Variants in DHX38 observed in about 807,000 individuals in gnomAD.
The protein encoded by DHX38 is pre-mRNA-splicing factor ATP-dependent RNA helicase PRP16.
A neutral mutation model predicts 153.1 loss-of-function variants in DHX38; 100 were observed. That is an observed-to-expected ratio of 0.65 (90% CI 0.56 to 0.77). The LOEUF (loss-of-function observed/expected upper bound fraction) is 0.77, where lower values mean the gene tolerates loss of function less well. DHX38 is among the 30% of genes least tolerant of loss of function. The pLI is 0.00. For synonymous variants in DHX38, 650 were observed against 631.7 expected (o/e 1.03, Z -0.43); for missense variants, 1,440 against 1,654.0 (o/e 0.87, Z 2.24).
chr16:72,107,825 C>G lies in DHX38; in HGVS notation c.2964+26C>G. The G allele has an allele frequency of 6.2e-7, 1 of 1,608,378 alleles. No individual in the cohort carries two copies. Among genetic ancestry groups the G allele is most frequent in the Non-Finnish European group, 8.5e-7 (1 of 1,177,780 alleles). On this transcript the variant is annotated intron_variant, in intron 21 of 26. Coordinates refer to ENST00000268482, the MANE Select transcript of DHX38 (RefSeq NM_014003.4). This position sits in a 1 kb window ranked among gnomAD's most constrained non-coding sequence, Gnocchi z 5.3. ...GTGGGGCAGCGGCTGGCTCCCCTCTCCCCGGAGGGCTCGAGGAAGTGTTGG... is the reference window on the plus strand; with the variant it reads ...GTGGGGCAGCGGCTGGCTCCCCTCTGCCCGGAGGGCTCGAGGAAGTGTTGG...
intron 3 of DHX38, 183 bp downstream of exon 3, chr16:72,097,192 T>C: frequency 1.7e-6 from 1 of 586,170 alleles, no homozygotes; most frequent in Non-Finnish European, 2.9e-6. Context: ...AGCTGTTGCC[T>C]GTAACATAGC....
rs142444234 is a variant in DHX38 at position 72,096,948 on chromosome 16, A to T, written c.450A>T (p.Glu150Asp). ...ATGGTGTCTATGCCTCGTCCAAAGA[A>T]GAAAAGGATTGGAAGAAGGAGAAAT... ...REHGVYASSK[E>D]EKDWKKEKSR... is the part of the protein sequence containing the mutation. The change falls in exon 3 of 27, where the codon GAA (glutamate) becomes GAT (aspartate). Residue 150 changes from glutamate (E) to aspartate (D), a missense_variant. Around this residue, in one of 6 missense-constraint regions of DHX38, gnomAD observed 483 missense variants for 465.1 expected, o/e 1.04. Coordinates refer to ENST00000268482, the MANE Select transcript of DHX38 (RefSeq NM_014003.4). 61 of 1,614,122 alleles carry T rather than the reference A, an allele frequency of 3.8e-5. No individual in the cohort carries two copies. In the African/African-American group the frequency reaches 7.9e-4, roughly 21 times the overall value.
rs751058597 is a variant in DHX38 at position 72,105,236 on chromosome 16, C to T, written c.2267C>T (p.Thr756Ile). 20 of 1,614,154 alleles carry T rather than the reference C, an allele frequency of 1.2e-5. 1 individual carries two copies. In the South Asian group the frequency reaches 2.0e-4, roughly 16 times the overall value. ...AGCTCCTCCCTGGGCTCTCAGGTGACCTCAGACCAGATTGTGGAGCATCTG... is the reference window on the plus strand; with the variant it reads ...AGCTCCTCCCTGGGCTCTCAGGTGATCTCAGACCAGATTGTGGAGCATCTG... ...FMPGQEDIEV[T>I]SDQIVEHLEE... Residue 756 changes from threonine (T) to isoleucine (I), a missense_variant, in exon 17 of 27, where the codon ACC becomes ATC. Thr to Ile is a moderately conservative substitution (Grantham distance 89, BLOSUM62 -1). Coordinates refer to ENST00000268482, the MANE Select transcript of DHX38 (RefSeq NM_014003.4).
At position 72,108,562 on chromosome 16, in the gene DHX38, G is replaced by A. The variant is rs1203884215; in HGVS notation, c.3210G>A (p.Arg1070=). The A allele has an allele frequency of 6.2e-7, 1 of 1,614,158 alleles. No individual in the cohort carries two copies. The highest frequency in any genetic ancestry group is 1.7e-5 in the Admixed American group (1 of 60,022). ...ASCGTDWDIV[R]KCICAAYFHQ... is the part of the protein sequence containing the mutation. ...GTGGCACTGACTGGGACATCGTCAG[G>A]AAGTGCATCTGTGCTGCCTATTTCC... Residue 1070 remains arginine, a synonymous_variant, in exon 23 of 27, where the codon AGG becomes AGA. Coordinates refer to ENST00000268482, the MANE Select transcript of DHX38 (RefSeq NM_014003.4).
Position 72,096,453 on chromosome 16 carries a change from A to T in DHX38, c.296A>T (p.Gln99Leu), listed in dbSNP as rs775585410. Residue 99 changes from glutamine to leucine, a missense_variant, in exon 2 of 27, where the codon CAG becomes CTG. Transcript: ENST00000268482. ...QKDAEEEGGD[Q>L]AGQNIRKDRH... ...GATGCTGAGGAAGAGGGCGGTGACC[A>T]GGCTGGCCAAAATATCCGGAAAGAC... 1.2e-6 allele frequency: 2 copies of T among 1,613,266 alleles called. No homozygotes were observed. Among genetic ancestry groups the T allele is most frequent in the Admixed American group, 3.3e-5 (2 of 60,000 alleles).
intron 1 of DHX38, 63 bp from the exon 2 acceptor site, chr16:72,096,076 T>C (rs2042013060): frequency 5.4e-6 from 8 of 1,485,238 alleles, no homozygotes. Flanking sequence ...CATAACTGCA[T>C]TTATTGTGGG....
At position 72,104,754 on chromosome 16, in the gene DHX38, A is replaced by G; in HGVS notation, c.2151+128A>G. The G allele has an allele frequency of 1.5e-6, 2 of 1,337,320 alleles. No homozygotes were observed. The highest frequency in any genetic ancestry group is 1.3e-5 in the South Asian group (1 of 76,746). 82.8% of individuals were successfully genotyped at this position (1,337,320 alleles called of 1,614,324 possible). ...AAGATTTCCTGGGGACCATGGGGCAAATGGGGCAGCCTGCAGCTCTGGGAC... is the reference window on the plus strand; with the variant it reads ...AAGATTTCCTGGGGACCATGGGGCAGATGGGGCAGCCTGCAGCTCTGGGAC... On this transcript the variant is annotated intron_variant, in intron 15 of 26. Coordinates refer to ENST00000268482, the MANE Select transcript of DHX38 (RefSeq NM_014003.4). The surrounding 1 kb of genome is among the most constrained non-coding windows in gnomAD (Gnocchi z 4.5).
rs2042174622 is a variant in DHX38, at chr16:72,106,187, G to A, written c.2600+70G>A. ...TGCTGAGCGTGGAGCCCGGGCGGGG[G>A]CGGGCAGGATGCTGGCTCTAGAGCT... On this transcript the variant is annotated intron_variant, in intron 19 of 26. Transcript: ENST00000268482. The A allele has an allele frequency of 7.2e-5, 107 of 1,478,488 alleles. 2 individuals carry two copies. In the South Asian group the frequency reaches 1.2e-3, roughly 17 times the overall value. The allele number at this position is 1,478,488 out of a possible 1,614,324, so 91.6% of individuals were successfully genotyped here.
In DHX38 at chr16:72,105,428, G is replaced by GGGTGGGCTAGGA. The variant is rs2042161596; in HGVS notation, c.2379+84_2380-74dup. On this transcript the variant is annotated intron_variant, in intron 17 of 26. Transcript: ENST00000268482. Reference sequence around the variant, plus strand: ...GAGGGGATGTGACTGTCCTGGCAGGGGGTGGGCTAGGAGGTAGGCTTTTCC... The same window carrying GGGTGGGCTAGGA: ...GAGGGGATGTGACTGTCCTGGCAGGGGGTGGGCTAGGAGGTGGGCTAGGAGGTAGGCTTTTCC... The GGGTGGGCTAGGA allele has an allele frequency of 3.1e-6, 5 of 1,596,760 alleles. No individual in the cohort carries two copies. In the South Asian group the frequency reaches 5.5e-5, roughly 18 times the overall value.
chr16:72,100,011 C>T, intron 8 of DHX38, 124 bp downstream of exon 8: 1 of 1,318,706 alleles, frequency 7.6e-7, no homozygotes, highest in Non-Finnish European at 1.0e-6. Context: ...AGCCCAGATC[C>T]TCTGGAGGTG....
intron 26 of DHX38, among the ~76,000 whole-genome samples, 174 bp downstream of exon 26, chr16:72,111,251 G>T (rs1226499571): frequency 6.6e-6 from 1 of 152,226 alleles, no homozygotes; most frequent in Non-Finnish European, 1.5e-5. Flanking sequence ...AGGAGTTCCT[G>T]ACAGCTTTAA....
intron 8 of DHX38, 84 bp from the exon 9 acceptor site, chr16:72,100,352 C>T (rs1461898027): frequency 1.3e-6 from 2 of 1,518,406 alleles, no homozygotes; most frequent in East Asian, 2.4e-5. Flanking sequence ...TCTGTCAGGA[C>T]TTGATGTGTG....
In DHX38 at chr16:72,098,995, C is replaced by T; in HGVS notation, c.833C>T (p.Ala278Val). ...CCCTCCTACAAATATAACGAGTGGG[C>T]CGATGACAGAAGACACTTGGGGTCC... ...PTPSYKYNEW[A>V]DDRRHLGSTP... The change falls in exon 6 of 27, where the codon GCC (alanine) becomes GTC (valine). Residue 278 changes from alanine to valine, a missense_variant. Ala to Val is a moderately conservative substitution (Grantham distance 64, BLOSUM62 0). This residue lies in a region of DHX38 where 483 missense variants were observed against 465.1 expected (regional missense o/e 1.04). Transcript: ENST00000268482. The T allele has an allele frequency of 6.2e-7, 1 of 1,613,582 alleles. No individual in the cohort carries two copies. Among genetic ancestry groups the T allele is most frequent in the Non-Finnish European group, 8.5e-7 (1 of 1,180,024 alleles).
Position 72,107,334 on chromosome 16 carries a change from C to A in DHX38, c.2601-6C>A. ...TGGTGAGAAGATGGGGTCTTCTCCC[C>A]GGCAGGCTCTACACCCAGAGCGCCT... On this transcript the variant is annotated splice_polypyrimidine_tract_variant and splice_region_variant and intron_variant, in intron 19 of 26. Transcript: ENST00000268482. This position sits in a 1 kb window ranked among gnomAD's most constrained non-coding sequence, Gnocchi z 5.3. 1 of 1,602,780 alleles carries A rather than the reference C, an allele frequency of 6.2e-7. No individual in the cohort carries two copies. Among genetic ancestry groups the A allele is most frequent in the Non-Finnish European group, 8.5e-7 (1 of 1,177,864 alleles).
At chr16:72,105,732 T>A in intron 18 of DHX38, 108 bp downstream of exon 18, 1 of 1,091,698 alleles carries the variant, frequency 9.2e-7, no homozygotes, top group Non-Finnish European at 1.4e-6. Flanking sequence ...GGGGAGCGCG[T>A]GGAAGTGGTG....
At position 72,104,942 on chromosome 16, in the gene DHX38, A is replaced by C. The variant is rs1300677229; in HGVS notation, c.2152-85A>C. 1 of 1,332,006 alleles carries C rather than the reference A, an allele frequency of 7.5e-7. No individual in the cohort carries two copies. The highest frequency in any genetic ancestry group is 1.0e-6 in the Non-Finnish European group (1 of 962,742). 82.5% of individuals were successfully genotyped at this position (1,332,006 alleles called of 1,614,324 possible). A position where few individuals can be genotyped will look rare whatever the true frequency, so the allele number is the denominator to read the frequency against. On this transcript the variant is annotated intron_variant, in intron 15 of 26. Transcript: ENST00000268482. This position sits in a 1 kb window ranked among gnomAD's most constrained non-coding sequence, Gnocchi z 4.5. Reference sequence around the variant, plus strand: ...AAAGTCCATGGCTCCATTCCAGAGCAGTGCCTGGGCCACTGGGCTCCCAGG... The same window carrying C: ...AAAGTCCATGGCTCCATTCCAGAGCCGTGCCTGGGCCACTGGGCTCCCAGG...
rs1350453781 is a variant in DHX38 at position 72,107,554 on chromosome 16, G to T, written c.2809+6G>T. On this transcript the variant is annotated splice_donor_region_variant and intron_variant, in intron 20 of 26. Coordinates refer to ENST00000268482, the MANE Select transcript of DHX38 (RefSeq NM_014003.4). The surrounding 1 kb of genome is among the most constrained non-coding windows in gnomAD (Gnocchi z 5.3). ...CGGGGCCCTGGACAACACAGGTGAG[G>T]CGGCCCCGGGAGCCTCATGGGTGCT... 4.3e-6 allele frequency: 7 copies of T among 1,611,120 alleles called. No individual in the cohort carries two copies. Among genetic ancestry groups the T allele is most frequent in the Non-Finnish European group, 5.9e-6 (7 of 1,177,576 alleles).
chr16:72,105,693 C>A, intron 18 of DHX38, 69 bp downstream of exon 18: 1 of 1,499,222 alleles, frequency 6.7e-7, no homozygotes, highest in Non-Finnish European at 9.3e-7. Context: ...GGGTGGGAAG[C>A]CAGGGCCTCG....
At chr16:72,105,457 T>A (rs928381304) in intron 17 of DHX38, 60 bp from the exon 18 acceptor site, 78 of 1,607,030 alleles carry the variant, frequency 4.9e-5, no homozygotes, top group Admixed American at 2.3e-4. Context: ...CTTTTCCCCC[T>A]CGCGGAGCCT....
Sources: allele counts gnomAD v4.1 joint callset (sites outside exome capture counted in the v4.1 genomes callset), GRCh38; gene constraint gnomAD v4.1.1; regional missense constraint gnomAD v4.1.1; non-coding constraint Gnocchi (gnomAD v3.1); transcripts MANE v1.5; gene names NCBI Gene and HGNC (gene_info 2026-07-23, HGNC 2026-07-21).